SPG11: variants seen among roughly 807,000 people sequenced by gnomAD.
SPG11 encodes the protein SPG11 vesicle trafficking associated, spatacsin.
SPG11 carries 222 observed loss-of-function variants against 274.0 expected under a neutral mutation model. That is an observed-to-expected ratio of 0.81 (90% CI 0.73 to 0.91). SPG11 has a LOEUF of 0.91. Among genes scored for constraint, SPG11 ranks in the 40% least tolerant of loss-of-function variants. The pLI is 0.00. For synonymous variants in SPG11, 1,144 were observed against 1,039.7 expected, an observed-to-expected ratio of 1.10 and a Z score of -1.93; for missense variants, 3,114 against 2,872.7, an observed-to-expected ratio of 1.08 and a Z score of -1.92.
At chr15:44,639,276 TACACAC>T (rs71111873) in intron 7 of SPG11, among the ~76,000 whole-genome samples, 4,830 of 138,334 alleles carry the variant, frequency 0.035, 266 homozygotes, top group African/African-American at 0.12. Context: ...CACAAAGAGA[TACACAC>T]ACACACACAC....
rs1060501176 is a variant in SPG11, at chr15:44,615,411, A to C, written c.2990T>G (p.Leu997Trp). Residue 997 changes from leucine to tryptophan, a missense_variant, in exon 16 of 40, where the codon TTG becomes TGG. Coordinates refer to ENST00000261866, the MANE Select transcript of SPG11 (RefSeq NM_025137.4). ...DFHSQFILYCLEHSLQHLLYV... is the reference protein window; with the variant it reads ...DFHSQFILYCWEHSLQHLLYV... The stretch of plus-strand genomic sequence containing the variant: ...AAGAAGATGCTGCAGACTGTGCTCC[A>C]AACAATAGAGAATGAATTGAGAATG... 2.5e-6 allele frequency: 4 copies of C among 1,613,970 alleles called. No homozygotes were observed. Among genetic ancestry groups the C allele is most frequent in the Non-Finnish European group, 3.4e-6 (4 of 1,179,998 alleles).
chr15:44,613,573 C>G, intron 16 of SPG11, 37 bp from the exon 17 acceptor site: 3 of 1,332,800 alleles, frequency 2.3e-6, no homozygotes, highest in Non-Finnish European at 3.2e-6. Context: ...CTTTGATTAA[C>G]ATACAGGATA....
In SPG11 at chr15:44,596,200, G is replaced by A. The variant is rs1408703691; in HGVS notation, c.4317C>T (p.Thr1439=). 4.3e-6 allele frequency: 7 copies of A among 1,614,042 alleles called. No homozygotes were observed. The highest frequency in any genetic ancestry group is 1.3e-5 in the African/African-American group (1 of 74,996). ...QELQGSKQEM[T]DLFEILLQCS... The stretch of plus-strand genomic sequence containing the variant: ...ATTGGAGCAGAATTTCAAATAAATC[G>A]GTCATCTCTTGTTTGCTTCCTTGAA... The change falls in exon 25 of 40, where the codon ACC becomes ACT. Residue 1439 remains threonine (T), a synonymous_variant. Coordinates refer to ENST00000261866, the MANE Select transcript of SPG11 (RefSeq NM_025137.4).
In SPG11 at chr15:44,563,151, A is replaced by G. The variant is rs1051055977; in HGVS notation, c.7302T>C (p.Gly2434=). ...CTGCTAGCATGTCCTTTAGACAGCAACCTGTCTGAGGGTCCTTCAGAAGCA... is the reference window on the plus strand; with the variant it reads ...CTGCTAGCATGTCCTTTAGACAGCAGCCTGTCTGAGGGTCCTTCAGAAGCA... ...VNVLLKDPQT[G]CCLKDMLAG Residue 2434 remains glycine, a synonymous_variant, in exon 40 of 40, where the codon GGT becomes GGC. Coordinates refer to ENST00000261866, the MANE Select transcript of SPG11 (RefSeq NM_025137.4). 18 of 1,614,064 alleles carry G rather than the reference A, an allele frequency of 1.1e-5. No homozygotes were observed. The highest frequency in any genetic ancestry group is 6.7e-5 in the Admixed American group (4 of 59,998).
chr15:44,647,337 T>C (rs2084637381), intron 7 of SPG11, among the ~76,000 whole-genome samples: 2 of 152,156 alleles, frequency 1.3e-5, no homozygotes, highest in African/African-American at 4.8e-5. Flanking sequence ...CTGATGGGAA[T>C]GTAAAATGGT....
intron 19 of SPG11, among the ~76,000 whole-genome samples, chr15:44,606,487 G>A (rs2083321668): frequency 6.6e-6 from 1 of 152,086 alleles, no homozygotes; most frequent in Non-Finnish European, 1.5e-5. Context: ...AACAGGGTAG[G>A]CAAGGAAAGG....
At position 44,628,661 on chromosome 15, in the gene SPG11, G is replaced by C. The variant is rs374214706; in HGVS notation, c.2067+8C>G. 17 of 1,611,252 alleles carry C rather than the reference G, an allele frequency of 1.1e-5. No homozygotes were observed. The African/African-American group carries it at 1.7e-4, about 16-fold the overall frequency. On this transcript the variant is annotated splice_region_variant and intron_variant, in intron 10 of 39. Transcript: ENST00000261866. The stretch of plus-strand genomic sequence containing the variant: ...CAAATAAAAGAAGTGATGATTATTC[G>C]TACTTACCTCAAAGCTGAGTTTCTT...
At chr15:44,624,638 T>G (rs939878223) in intron 11 of SPG11, among the ~76,000 whole-genome samples, 6 of 152,202 alleles carry the variant, frequency 3.9e-5, no homozygotes, top group African/African-American at 1.4e-4. Flanking sequence ...TAATACATTG[T>G]ATACTTGAAA....
At position 44,620,192 on chromosome 15, in the gene SPG11, G is replaced by C; in HGVS notation, c.2832C>G (p.Ala944=). The change falls in exon 15 of 40, where the codon GCC becomes GCG. Residue 944 remains alanine, a splice_region_variant and synonymous_variant. Transcript: ENST00000261866. ...YMRNEILDKL[A]RNGVFLASEL... is the part of the protein sequence containing the mutation. ...TATTAGTTCAACAGTTATAATACCT[G>C]GCCAGCTTATCTAAAATTTCATTCC... 1.2e-6 allele frequency: 2 copies of C among 1,610,758 alleles called. No individual in the cohort carries two copies. Among genetic ancestry groups the C allele is most frequent in the Non-Finnish European group, 1.7e-6 (2 of 1,177,268 alleles).
intron 4 of SPG11, among the ~76,000 whole-genome samples, chr15:44,653,945 C>A (rs1347439058): frequency 6.6e-6 from 1 of 151,878 alleles, no homozygotes; most frequent in East Asian, 1.9e-4. Flanking sequence ...CACAAATGAA[C>A]CATGTAGCCT....
chr15:44,655,966 C>G (rs577922951), intron 4 of SPG11, among the ~76,000 whole-genome samples: 1 of 151,996 alleles, frequency 6.6e-6, no homozygotes, highest in African/African-American at 2.4e-5. Flanking sequence ...CGGAACACAA[C>G]TGACTGGGAG....
intron 16 of SPG11, 152 bp downstream of exon 16, chr15:44,615,211 G>T: frequency 1.3e-6 from 1 of 772,706 alleles, no homozygotes; most frequent in Non-Finnish European, 2.2e-6. Context: ...ACTCAAAGAT[G>T]TACCAACTGT....
intron 1 of SPG11, among the ~76,000 whole-genome samples, chr15:44,660,972 G>C (rs188054352): frequency 2.3e-4 from 35 of 152,188 alleles, no homozygotes; most frequent in Non-Finnish European, 4.7e-4. Context: ...ATTTATATGA[G>C]GTGGTATTCA....
chr15:44,594,261 C>A (rs561211269), intron 26 of SPG11, among the ~76,000 whole-genome samples: 53 of 151,304 alleles, frequency 3.5e-4, no homozygotes, highest in African/African-American at 1.2e-3. Flanking sequence ...CCCGTCTCTA[C>A]TAAAAATACA....
chr15:44,622,898 T>C, intron 11 of SPG11, 99 bp from the exon 12 acceptor site: 1 of 863,448 alleles, frequency 1.2e-6, no homozygotes, highest in South Asian at 1.3e-5. Context: ...ATTATAAACA[T>C]CTATCTTGTT....
Position 44,606,028 on chromosome 15 carries a change from C to G in SPG11, c.3517G>C (p.Gly1173Arg). 6.2e-7 allele frequency: 1 copy of G among 1,613,490 alleles called. No individual in the cohort carries two copies. The highest frequency in any genetic ancestry group is 8.5e-7 in the Non-Finnish European group (1 of 1,179,594). ...GWQSANTLAI[G>R]DAWSHLPHFS... ...AGAAGTACCCATGATGACTTACCTC[C>G]TATAGCTAGTGTGTTAGCAGACTGC... is the stretch of plus-strand genomic sequence containing the variant. Residue 1173 changes from glycine to arginine, a missense_variant, in exon 20 of 40, where the codon GGA (glycine) becomes CGA (arginine). By Grantham distance (125) the Gly-to-Arg change is moderately radical (BLOSUM62 -2). Transcript: ENST00000261866.
At chr15:44,566,611 C>A (rs1386625781) in intron 36 of SPG11, among the ~76,000 whole-genome samples, 1 of 152,100 alleles carries the variant, frequency 6.6e-6, no homozygotes, top group Non-Finnish European at 1.5e-5. Context: ...GCTATAGATC[C>A]AAGAGTACAA....
chr15:44,573,353 GCATGTATTTTGTA>G lies in SPG11; in HGVS notation c.6205+181_6205+193del, dbSNP rs550350009. 8.1e-4 allele frequency: 532 copies of G among 657,764 alleles called. 1 individual carries two copies. In the African/African-American group the frequency reaches 8.4e-3, roughly 10 times the overall value. 40.7% of individuals were successfully genotyped at this position (657,764 alleles called of 1,614,324 possible). ...AATCATAAAACAATAAAAAGCAACAGCATGTATTTTGTACATGTATTTTGTAAAAAATAAAGCA... is the reference window on the plus strand; with the variant it reads ...AATCATAAAACAATAAAAAGCAACAGCATGTATTTTGTAAAAAATAAAGCA... On this transcript the variant is annotated intron_variant, in intron 32 of 39. Transcript: ENST00000261866.
chr15:44,656,771 T>G (rs1413129882), intron 4 of SPG11, among the ~76,000 whole-genome samples: 1 of 152,128 alleles, frequency 6.6e-6, no homozygotes, highest in Non-Finnish European at 1.5e-5. Context: ...ATGGGAAACA[T>G]GAGAAAATTA....
Sources: gnomAD v4.1 joint callset for allele counts (sites outside exome capture counted in the v4.1 genomes callset) on GRCh38, gnomAD v4.1.1 for gene constraint, MANE v1.5 for transcripts, NCBI Gene and HGNC (gene_info 2026-07-23, HGNC 2026-07-21) for gene names.